Variants in PRKG1 observed in about 807,000 individuals in gnomAD.
PRKG1 encodes the protein protein kinase cGMP-dependent 1, also known as cGMP-dependent protein kinase 1.
Under a neutral mutation model 88.1 loss-of-function variants are expected in PRKG1, and 35 were observed. That is an observed-to-expected ratio of 0.40 (90% CI 0.30 to 0.53). PRKG1 has a LOEUF of 0.53. PRKG1 is among the 20% of genes least tolerant of loss of function. The pLI, the probability that PRKG1 is intolerant of heterozygous loss-of-function variation, is 0.59. For missense variants in PRKG1, 540 were observed against 839.8 expected, an observed-to-expected ratio of 0.64 and a Z score of 4.41; for synonymous variants, 303 against 292.5, an observed-to-expected ratio of 1.04 and a Z score of -0.37.
intron 1 of PRKG1, among the ~76,000 whole-genome samples, chr10:51,046,765 G>A (rs1482102151): frequency 6.6e-6 from 1 of 152,202 alleles, no homozygotes; most frequent in Non-Finnish European, 1.5e-5. Flanking sequence ...AGCACAAACT[G>A]CTATTAGGCA....
chr10:51,345,135 A>G (rs1842084386), intron 2 of PRKG1, among the ~76,000 whole-genome samples: 1 of 152,212 alleles, frequency 6.6e-6, no homozygotes, highest in African/African-American at 2.4e-5. Context: ...AAACTTTAAA[A>G]TATGTGAAAT....
At chr10:51,987,859 G>A (rs188727192) in intron 5 of PRKG1, among the ~76,000 whole-genome samples, 17 of 152,096 alleles carry the variant, frequency 1.1e-4, no homozygotes, top group Non-Finnish European at 2.4e-4. Flanking sequence ...ACGGCCACAA[G>A]GAGCAATATT....
intron 2 of PRKG1, among the ~76,000 whole-genome samples, chr10:51,324,461 T>C (rs1033902114): frequency 3.3e-5 from 5 of 151,880 alleles, no homozygotes; most frequent in African/African-American, 4.8e-5. Context: ...TAAGGTTCCA[T>C]TGTGGGCCGG....
At chr10:51,164,551 T>A (rs1298156760) in intron 2 of PRKG1, among the ~76,000 whole-genome samples, 1 of 152,222 alleles carries the variant, frequency 6.6e-6, no homozygotes, top group African/African-American at 2.4e-5. Flanking sequence ...GGACGGAGAA[T>A]GACTTTCACG....
At chr10:51,151,569 G>T (rs59666145) in intron 1 of PRKG1, among the ~76,000 whole-genome samples, 11 of 146,232 alleles carry the variant, frequency 7.5e-5, no homozygotes, top group African/African-American at 2.2e-4. Context: ...TTTTGTTTTT[G>T]TTTTTTTTTT....
chr10:51,986,413 C>A (rs1844158962), intron 5 of PRKG1, among the ~76,000 whole-genome samples: 1 of 152,118 alleles, frequency 6.6e-6, no homozygotes, highest in African/African-American at 2.4e-5. Context: ...AAAAAAAGAT[C>A]TTTTCCAAGT....
chr10:51,182,344 A>G (rs530407449), intron 2 of PRKG1, among the ~76,000 whole-genome samples: 1 of 152,236 alleles, frequency 6.6e-6, no homozygotes, highest in East Asian at 1.9e-4. Context: ...CTGAGAATGG[A>G]TTTAGTTGAT....
chr10:52,193,648 C>G (rs34538044), intron 9 of PRKG1, among the ~76,000 whole-genome samples: 2,071 of 148,906 alleles, frequency 0.014, 55 homozygotes, highest in African/African-American at 0.049. Flanking sequence ...TTTCAAAGGA[C>G]AGCCTACATT....
chr10:51,880,782 A>G (rs1350988510), intron 4 of PRKG1, among the ~76,000 whole-genome samples: 1 of 152,196 alleles, frequency 6.6e-6, no homozygotes, highest in Admixed American at 6.5e-5. Flanking sequence ...ATGAGGCAAG[A>G]GACACAGTTT....
chr10:51,466,461 A>G (rs1422732937), intron 2 of PRKG1, among the ~76,000 whole-genome samples: 2 of 152,098 alleles, frequency 1.3e-5, no homozygotes, highest in Non-Finnish European at 2.9e-5. Context: ...TAATTACTGC[A>G]GAATTCTCTC....
intron 7 of PRKG1, among the ~76,000 whole-genome samples, chr10:52,067,523 T>C (rs2133278815): frequency 6.6e-6 from 1 of 152,316 alleles, no homozygotes; most frequent in East Asian, 1.9e-4. Context: ...ATGACTACTA[T>C]CTAGTTCTGC....
intron 2 of PRKG1, among the ~76,000 whole-genome samples, chr10:51,363,155 T>G (rs1842519083): frequency 6.6e-6 from 1 of 151,168 alleles, no homozygotes; most frequent in South Asian, 2.1e-4. Flanking sequence ...GCAATGACAA[T>G]CATTGAATAT....
intron 12 of PRKG1, among the ~76,000 whole-genome samples, chr10:52,274,976 A>G (rs960952973): frequency 3.3e-5 from 5 of 152,110 alleles, no homozygotes; most frequent in Admixed American, 6.5e-5. Context: ...CCATTTGTAT[A>G]TCTTCTTTTG....
chr10:51,842,682 A>G (rs1287952501), intron 4 of PRKG1, among the ~76,000 whole-genome samples: 1 of 152,226 alleles, frequency 6.6e-6, no homozygotes, highest in Non-Finnish European at 1.5e-5. Flanking sequence ...ATGTATGTGC[A>G]TACTATATGT....
chr10:52,099,461 A>G (rs1359220291), intron 7 of PRKG1, among the ~76,000 whole-genome samples: 1 of 152,194 alleles, frequency 6.6e-6, no homozygotes, highest in African/African-American at 2.4e-5. Flanking sequence ...TTCTCTAACT[A>G]TGAAGACACT....
At chr10:52,245,449 G>A (rs561694250) in intron 9 of PRKG1, among the ~76,000 whole-genome samples, 4 of 152,170 alleles carry the variant, frequency 2.6e-5, no homozygotes, top group African/African-American at 9.6e-5. Context: ...AGCAGAACCA[G>A]GAACACAAGT....
At chr10:51,260,608 TC>T (rs1166798899) in intron 2 of PRKG1, among the ~76,000 whole-genome samples, 4 of 152,294 alleles carry the variant, frequency 2.6e-5, no homozygotes, top group African/African-American at 9.6e-5. Context: ...TGCAGATTGC[TC>T]CAATTTCCTG....
chr10:51,560,434 A>G (rs1837428679), intron 3 of PRKG1, among the ~76,000 whole-genome samples: 1 of 152,172 alleles, frequency 6.6e-6, no homozygotes, highest in Admixed American at 6.6e-5. Context: ...TCCTGGCACT[A>G]TAACAGACCT....
At chr10:51,558,329 C>T (rs918024414) in intron 3 of PRKG1, among the ~76,000 whole-genome samples, 18 of 152,046 alleles carry the variant, frequency 1.2e-4, no homozygotes, top group African/African-American at 4.3e-4. Flanking sequence ...AGCTAATCTT[C>T]ACCAGGAATC....
Sources: allele counts gnomAD v4.1 joint callset (sites outside exome capture counted in the v4.1 genomes callset), GRCh38; gene constraint gnomAD v4.1.1; transcripts MANE v1.5; gene names NCBI Gene and HGNC (gene_info 2026-07-23, HGNC 2026-07-21).